CLBA1: variants seen among roughly 807,000 people sequenced by gnomAD.
The protein encoded by CLBA1 is clathrin binding box of aftiphilin containing 1.
CLBA1 carries 30 observed loss-of-function variants against 28.8 expected under a neutral mutation model. The observed-to-expected ratio is 1.04, with a 90% CI of 0.78 to 1.41. CLBA1 has a LOEUF of 1.41. CLBA1 is among the 40% of genes most tolerant of loss of function. The pLI is 0.00. For synonymous variants in CLBA1, 160 were observed against 152.8 expected, an observed-to-expected ratio of 1.05 and a Z score of -0.35; for missense variants, 451 against 412.3, an observed-to-expected ratio of 1.09 and a Z score of -0.81.
At chr14:104,989,336 C>A in intron 2 of CLBA1, 1 of 480,958 alleles carries the variant, frequency 2.1e-6, no homozygotes, top group African/African-American at 1.9e-5. Flanking sequence ...GGACCCAAGC[C>A]CAGCTCCCCT....
chr14:104,991,349 A>T, intron 2 of CLBA1, 142 bp from the exon 3 acceptor site: 1 of 936,780 alleles, frequency 1.1e-6, no homozygotes, highest in Non-Finnish European at 1.6e-6. Flanking sequence ...TAGAGTTCTT[A>T]ACAGCCATAC....
Position 104,994,995 on chromosome 14 carries a change from G to A in CLBA1, c.*236G>A, listed in dbSNP as rs929975612. On this transcript the variant is annotated 3_prime_UTR_variant, in exon 5 of 5. Transcript: ENST00000547315. ...AGGTTTCTGGATGCCATGACAGGCT[G>A]TCGGGGTCCAGGTGGCACTCATGGG... The A allele has an allele frequency of 2.0e-5, 24 of 1,183,908 alleles. No individual in the cohort carries two copies. The highest frequency in any genetic ancestry group is 4.8e-5 in the African/African-American group (3 of 62,886). 73.3% of individuals were successfully genotyped at this position (1,183,908 alleles called of 1,614,324 possible).
At chr14:104,989,233 A>G in intron 2 of CLBA1, 145 bp downstream of exon 2, 2 of 766,690 alleles carry the variant, frequency 2.6e-6, no homozygotes, top group Non-Finnish European at 2.1e-6. Flanking sequence ...TAGGGGTCCT[A>G]TGAGAAGGGG....
chr14:104,991,075 A>C, intron 2 of CLBA1: 1 of 180,386 alleles, frequency 5.5e-6, no homozygotes, highest in South Asian at 1.0e-4. Flanking sequence ...CCCAGGCTGG[A>C]GTGCAGTGGC....
chr14:104,995,120 T>C lies in CLBA1; in HGVS notation c.*361T>C, dbSNP rs752601571. ...GGCTGCTTAGTCCAGGGGGAGCAAC[T>C]TGTGGCCAAATCCATGAGTTCAGAG... On this transcript the variant is annotated 3_prime_UTR_variant, in exon 5 of 5. Transcript: ENST00000547315. 1.1e-4 allele frequency: 107 copies of C among 999,232 alleles called. No homozygotes were observed. The highest frequency in any genetic ancestry group is 1.2e-4 in the Non-Finnish European group (102 of 839,444). The allele number at this position is 999,232 out of a possible 1,614,324, so 61.9% of individuals were successfully genotyped here.
At chr14:104,990,094 C>T in intron 2 of CLBA1, 1 of 191,974 alleles carries the variant, frequency 5.2e-6, no homozygotes, top group Non-Finnish European at 1.1e-5. Flanking sequence ...GAATGTGGTC[C>T]CAGCAAGCTG....
chr14:104,998,714 C>G (rs1900211017), downstream of CLBA1, among the ~76,000 whole-genome samples: 1 of 152,232 alleles, frequency 6.6e-6, no homozygotes, highest in Non-Finnish European at 1.5e-5. Flanking sequence ...GAGACGCAGG[C>G]CTTTCACAGT....
chr14:104,997,945 G>GT (rs1486541294), downstream of CLBA1, among the ~76,000 whole-genome samples: 2 of 152,050 alleles, frequency 1.3e-5, no homozygotes, highest in Admixed American at 6.6e-5. Context: ...GGAGGGGAAG[G>GT]TTGCAGTGAG....
At position 104,995,425 on chromosome 14, in the gene CLBA1, T is replaced by C. The variant is rs544814599; in HGVS notation, c.*666T>C. On this transcript the variant is annotated 3_prime_UTR_variant, in exon 5 of 5. Coordinates refer to ENST00000547315, the MANE Select transcript of CLBA1 (RefSeq NM_174891.4). ...GTGGGCCCGTGGCTTCCCCCAGTTA[T>C]CTGCTAAGGAAAACTGTGCTCTTCG... is the stretch of plus-strand genomic sequence containing the variant. 2 of 985,384 alleles carry C rather than the reference T, an allele frequency of 2.0e-6. No individual in the cohort carries two copies. The highest frequency in any genetic ancestry group is 1.7e-5 in the African/African-American group (1 of 57,342). The allele number at this position is 985,384 out of a possible 1,614,324, so 61.0% of individuals were successfully genotyped here.
chr14:104,995,441 G>C lies in CLBA1; in HGVS notation c.*682G>C, dbSNP rs528965391. 1.4e-3 allele frequency: 1,331 copies of C among 985,316 alleles called. 2 individuals are homozygous for C. The highest frequency in any genetic ancestry group is 1.5e-3 in the Non-Finnish European group (1,269 of 829,832). The allele number at this position is 985,316 out of a possible 1,614,324, so 61.0% of individuals were successfully genotyped here. ...CCCCAGTTATCTGCTAAGGAAAACT[G>C]TGCTCTTCGAAGGGCAGAGCCAAGA... On this transcript the variant is annotated 3_prime_UTR_variant, in exon 5 of 5. Transcript: ENST00000547315.
At chr14:104,989,271 C>T (rs1899953083) in intron 2 of CLBA1, 183 bp downstream of exon 2, 1 of 603,080 alleles carries the variant, frequency 1.7e-6, no homozygotes. Flanking sequence ...CAGCTGTGGC[C>T]TTCCACTCTG....
At chr14:104,991,756 C>T (rs1293539888) in intron 3 of CLBA1, 136 bp downstream of exon 3, 1 of 1,077,016 alleles carries the variant, frequency 9.3e-7, no homozygotes. Context: ...CTAGGTGGCC[C>T]CATAAACGTG....
intron 4 of CLBA1, chr14:104,993,846 T>C (rs1595445439): frequency 2.0e-6 from 2 of 985,340 alleles, no homozygotes; most frequent in East Asian, 1.1e-4. Flanking sequence ...AAGAGTGACA[T>C]GCAGGGAGGC....
In CLBA1 at chr14:104,995,423, T is replaced by A; in HGVS notation, c.*664T>A. On this transcript the variant is annotated 3_prime_UTR_variant, in exon 5 of 5. Coordinates refer to ENST00000547315, the MANE Select transcript of CLBA1 (RefSeq NM_174891.4). ...TGGTGGGCCCGTGGCTTCCCCCAGT[T>A]ATCTGCTAAGGAAAACTGTGCTCTT... 2.0e-6 allele frequency: 2 copies of A among 985,372 alleles called. No homozygotes were observed. The highest frequency in any genetic ancestry group is 2.4e-6 in the Non-Finnish European group (2 of 829,916). The allele number at this position is 985,372 out of a possible 1,614,324, so 61.0% of individuals were successfully genotyped here.
In CLBA1 at chr14:104,986,023, C is replaced by T. The variant is rs2140892131; in HGVS notation, c.-409C>T. ...AGGCCCCGGGGCGCCGCACCCACTC[C>T]TTCCCACTTGGGACTCCCGCGGGCG... On this transcript the variant is annotated 5_prime_UTR_variant, in exon 1 of 5. Coordinates refer to ENST00000547315, the MANE Select transcript of CLBA1 (RefSeq NM_174891.4). The T allele has an allele frequency of 4.0e-6, 1 of 247,378 alleles. No homozygotes were observed. Among genetic ancestry groups the T allele is most frequent in the Non-Finnish European group, 8.0e-6 (1 of 124,404 alleles). The allele number at this position is 247,378 out of a possible 1,614,324, so 15.3% of individuals were successfully genotyped here. A position where few individuals can be genotyped will look rare whatever the true frequency, so the allele number is the denominator to read the frequency against.
At chr14:104,991,713 G>T in intron 3 of CLBA1, 93 bp downstream of exon 3, 1 of 1,464,800 alleles carries the variant, frequency 6.8e-7, no homozygotes, top group Non-Finnish European at 9.1e-7. Flanking sequence ...GGTGGGTGCA[G>T]GCAGAGGTGT....
chr14:104,991,349 A>G (rs1203569060), intron 2 of CLBA1, 142 bp from the exon 3 acceptor site: 16 of 936,664 alleles, frequency 1.7e-5, no homozygotes, highest in Non-Finnish European at 2.5e-5. Context: ...TAGAGTTCTT[A>G]ACAGCCATAC....
At position 104,994,910 on chromosome 14, in the gene CLBA1, T is replaced by C; in HGVS notation, c.*151T>C. On this transcript the variant is annotated 3_prime_UTR_variant, in exon 5 of 5. Coordinates refer to ENST00000547315, the MANE Select transcript of CLBA1 (RefSeq NM_174891.4). ...ACAGGACCTGTCCTGTGTTCTGGGCTTGTCTCGGGTCTGACCAGGAGATGG... is the reference window on the plus strand; with the variant it reads ...ACAGGACCTGTCCTGTGTTCTGGGCCTGTCTCGGGTCTGACCAGGAGATGG... 2.2e-6 allele frequency: 3 copies of C among 1,384,382 alleles called. No individual in the cohort carries two copies. Among genetic ancestry groups the C allele is most frequent in the Non-Finnish European group, 1.9e-6 (2 of 1,072,438 alleles). The allele number at this position is 1,384,382 out of a possible 1,614,324, so 85.8% of individuals were successfully genotyped here. A position where few individuals can be genotyped will look rare whatever the true frequency, so the allele number is the denominator to read the frequency against.
chr14:104,989,195 T>G, intron 2 of CLBA1, 107 bp downstream of exon 2: 3 of 1,146,510 alleles, frequency 2.6e-6, no homozygotes, highest in Non-Finnish European at 3.7e-6. Flanking sequence ...GTAGCATCTC[T>G]CCTGAGGTCC....
Sources: gnomAD v4.1 joint callset for allele counts (sites outside exome capture counted in the v4.1 genomes callset) on GRCh38, gnomAD v4.1.1 for gene constraint, MANE v1.5 for transcripts, NCBI Gene and HGNC (gene_info 2026-07-23, HGNC 2026-07-21) for gene names.